The following NRXN1 variants were observed in gnomAD, a reference collection of about 807,000 sequenced individuals.
The protein encoded by NRXN1 is neurexin-1.
A neutral mutation model predicts 150.9 loss-of-function variants in NRXN1; 39 were observed. The ratio of observed to expected loss-of-function variants is 0.26; its 90% CI spans 0.20 to 0.34. The LOEUF (loss-of-function observed/expected upper bound fraction) is 0.34, where lower values mean the gene tolerates loss of function less well. Among genes scored for constraint, NRXN1 ranks in the 10% least tolerant of loss-of-function variants. The pLI, the probability that NRXN1 is intolerant of heterozygous loss-of-function variation, is 1.00. For missense variants in NRXN1, 1,815 were observed against 1,949.9 expected (o/e 0.93, Z 1.30); for synonymous variants, 924 against 757.0 (o/e 1.22, Z -3.62).
chr2:50,966,646 C>T (rs1694137362), intron 2 of NRXN1, among the ~76,000 whole-genome samples: 1 of 151,638 alleles, frequency 6.6e-6, no homozygotes, highest in Admixed American at 6.6e-5. Context: ...TAGTGCCTGC[C>T]CATTTGATAA....
intron 17 of NRXN1, among the ~76,000 whole-genome samples, chr2:50,255,644 G>A (rs1198603471): frequency 6.6e-6 from 1 of 152,090 alleles, no homozygotes; most frequent in East Asian, 1.9e-4. Flanking sequence ...AGAAAGGATA[G>A]AACACTCAGA....
intron 21 of NRXN1, among the ~76,000 whole-genome samples, chr2:50,004,960 T>C (rs937021832): frequency 3.5e-5 from 4 of 115,756 alleles, no homozygotes; most frequent in East Asian, 2.2e-4. Flanking sequence ...GAGAAGATGA[T>C]TGTTTAACTT....
chr2:50,842,113 C>T (rs1346907205), intron 5 of NRXN1, among the ~76,000 whole-genome samples: 1 of 152,208 alleles, frequency 6.6e-6, no homozygotes, highest in African/African-American at 2.4e-5. Context: ...TTTCTGGGCA[C>T]CTCATCTGTG....
In NRXN1 at chr2:50,989,841, A is replaced by G. The variant is rs544198019; in HGVS notation, c.772+37661T>C. The stretch of plus-strand genomic sequence containing the variant: ...CTTGTCTTTGCTAATATGTAGGAGT[A>G]GCATTGCTTGGTAGTATGTTAGACT... On this transcript the variant is annotated intron_variant, in intron 2 of 22. Coordinates refer to ENST00000401669, the MANE Select transcript of NRXN1 (RefSeq NM_001330078.2). 7.2e-5 allele frequency among the ~76,000 whole-genome samples: 11 copies of G among 152,178 alleles called. No individual in the cohort carries two copies. In the South Asian group the frequency reaches 2.3e-3, roughly 32 times the overall value.
At chr2:50,363,786 G>A (rs541451212) in intron 17 of NRXN1, among the ~76,000 whole-genome samples, 2 of 152,238 alleles carry the variant, frequency 1.3e-5, no homozygotes, top group South Asian at 2.1e-4. Context: ...AAAGACATAT[G>A]CACATTTATG....
intron 5 of NRXN1, among the ~76,000 whole-genome samples, chr2:50,779,310 G>C (rs903091232): frequency 2.0e-5 from 3 of 152,104 alleles, no homozygotes; most frequent in Non-Finnish European, 4.4e-5. Flanking sequence ...TGAGAATGAT[G>C]GTTTTTCAGT....
intron 5 of NRXN1, among the ~76,000 whole-genome samples, chr2:50,869,366 A>T (rs964024105): frequency 6.6e-6 from 1 of 151,728 alleles, no homozygotes; most frequent in African/African-American, 2.4e-5. Context: ...TATTGCTGCT[A>T]CTACTGTAAT....
intron 18 of NRXN1, among the ~76,000 whole-genome samples, chr2:50,203,025 G>A (rs2062297013): frequency 6.6e-6 from 1 of 152,052 alleles, no homozygotes; most frequent in African/African-American, 2.4e-5. Flanking sequence ...CCTGGAAAAC[G>A]GTAAAAAAGA....
intron 17 of NRXN1, among the ~76,000 whole-genome samples, chr2:50,444,439 T>C (rs1346218769): frequency 6.6e-6 from 1 of 152,136 alleles, no homozygotes; most frequent in Non-Finnish European, 1.5e-5. Flanking sequence ...TACTCAATAT[T>C]GTTTACTTGT....
At chr2:50,939,447 GATTT>G in intron 2 of NRXN1, among the ~76,000 whole-genome samples, 1 of 151,758 alleles carries the variant, frequency 6.6e-6, no homozygotes, top group Non-Finnish European at 1.5e-5. Context: ...ATAGATTTAT[GATTT>G]ATTATTTATA....
At chr2:50,439,926 CA>C (rs1247174585) in intron 17 of NRXN1, among the ~76,000 whole-genome samples, 1 of 152,008 alleles carries the variant, frequency 6.6e-6, no homozygotes, top group Non-Finnish European at 1.5e-5. Flanking sequence ...TCAAAATATG[CA>C]GACTAAAAAT....
intron 17 of NRXN1, among the ~76,000 whole-genome samples, chr2:50,360,123 G>A (rs543272412): frequency 6.6e-6 from 1 of 152,280 alleles, no homozygotes; most frequent in East Asian, 1.9e-4. Context: ...AATATGGAAA[G>A]GAAAAACCAG....
Position 49,984,369 on chromosome 2 carries a change from C to G in NRXN1, c.4129-40578G>C, listed in dbSNP as rs575012425. On this transcript the variant is annotated intron_variant, in intron 21 of 22. Transcript: ENST00000401669. ...ACACCCAACTGAATTTTGCTAATTT[C>G]AAACTGAGAAAATGAGATCTGACGT... Among the ~76,000 whole-genome samples, 13 of 151,842 alleles carry G rather than the reference C, an allele frequency of 8.6e-5. No individual in the cohort carries two copies. In the East Asian group the frequency reaches 2.5e-3, roughly 30 times the overall value.
At chr2:50,682,875 T>C (rs72887516) in intron 5 of NRXN1, among the ~76,000 whole-genome samples, 3,975 of 152,142 alleles carry the variant, frequency 0.026, 176 homozygotes, top group African/African-American at 0.09. Flanking sequence ...TTATGAGACA[T>C]GGGGGGAATT....
intron 5 of NRXN1, among the ~76,000 whole-genome samples, chr2:50,635,420 G>A (rs920562366): frequency 6.6e-6 from 1 of 150,874 alleles, no homozygotes; most frequent in Non-Finnish European, 1.5e-5. Context: ...TGATCTGCCC[G>A]CCTCGGCCTC....
At chr2:50,188,066 T>C (rs2061203381) in intron 18 of NRXN1, among the ~76,000 whole-genome samples, 1 of 152,102 alleles carries the variant, frequency 6.6e-6, no homozygotes, top group Non-Finnish European at 1.5e-5. Flanking sequence ...GAATACCCTA[T>C]GTTTCTTTCT....
At position 50,894,971 on chromosome 2, in the gene NRXN1, A is replaced by G. The variant is rs1681696815; in HGVS notation, c.832+26898T>C. On this transcript the variant is annotated intron_variant, in intron 5 of 22. Coordinates refer to ENST00000401669, the MANE Select transcript of NRXN1 (RefSeq NM_001330078.2). ...TAATATTACTCCTTCATGTTATTCC[A>G]TATCTCATGCTTACATCAAATGCAA... 7.2e-5 allele frequency among the ~76,000 whole-genome samples: 11 copies of G among 152,284 alleles called. No homozygotes were observed. The South Asian group carries it at 2.3e-3, about 32-fold the overall frequency.
chr2:50,469,825 G>T (rs2089288570), intron 16 of NRXN1, among the ~76,000 whole-genome samples: 1 of 150,764 alleles, frequency 6.6e-6, no homozygotes, highest in Non-Finnish European at 1.5e-5. Flanking sequence ...GATAAGGAAA[G>T]AACCAATGCC....
intron 2 of NRXN1, among the ~76,000 whole-genome samples, chr2:50,973,721 G>A (rs2104809772): frequency 6.6e-6 from 1 of 152,228 alleles, no homozygotes; most frequent in Admixed American, 6.6e-5. Flanking sequence ...AAAATTATAT[G>A]TATTCATTCC....
Sources: gnomAD v4.1 joint callset for allele counts (sites outside exome capture counted in the v4.1 genomes callset) on GRCh38, gnomAD v4.1.1 for gene constraint, MANE v1.5 for transcripts, NCBI Gene and HGNC (gene_info 2026-07-23, HGNC 2026-07-21) for gene names.